Variants in KDSR observed in about 807,000 individuals in gnomAD.
The protein encoded by KDSR is 3-dehydrosphinganine reductase.
KDSR carries 23 observed loss-of-function variants against 41.3 expected under a neutral mutation model. That is an observed-to-expected ratio of 0.56 (90% CI 0.40 to 0.79). The LOEUF (loss-of-function observed/expected upper bound fraction) is 0.79, where lower values mean the gene tolerates loss of function less well. Among genes scored for constraint, KDSR ranks in the 30% least tolerant of loss-of-function variants. The probability of loss-of-function intolerance (pLI) is 0.00; values close to 1 mark genes in which losing one functional copy is unlikely to be tolerated. For missense variants in KDSR, 351 were observed against 416.8 expected (o/e 0.84, Z 1.37); for synonymous variants, 138 against 151.7 (o/e 0.91, Z 0.66).
intron 7 of KDSR, 130 bp downstream of exon 7, chr18:63,344,280 G>T: frequency 1.7e-6 from 1 of 582,920 alleles, no homozygotes. Context: ...AAGGTCATCA[G>T]AAACCAGCTA....
Position 63,367,122 on chromosome 18 carries a change from T to C in KDSR, c.-4A>G. On this transcript the variant is annotated 5_prime_UTR_variant, in exon 1 of 10. Transcript: ENST00000645214. ...AGGCGGCAGCCAGCAGCAGCATCGC[T>C]CCGCGGGGCCAGGGGCCCGGAGCGG... 1 of 1,318,914 alleles carries C rather than the reference T, an allele frequency of 7.6e-7. No homozygotes were observed. Among genetic ancestry groups the C allele is most frequent in the South Asian group, 3.2e-5 (1 of 31,496 alleles). 81.7% of individuals were successfully genotyped at this position (1,318,914 alleles called of 1,614,324 possible). A position where few individuals can be genotyped will look rare whatever the true frequency, so the allele number is the denominator to read the frequency against.
At chr18:63,347,835 A>C (rs1914556366) in intron 6 of KDSR, among the ~76,000 whole-genome samples, 1 of 152,126 alleles carries the variant, frequency 6.6e-6, no homozygotes, top group African/African-American at 2.4e-5. Context: ...TCTTCCTAAA[A>C]GACTGAGTAA....
chr18:63,349,152 C>A (rs1914594768), intron 6 of KDSR, among the ~76,000 whole-genome samples: 1 of 152,142 alleles, frequency 6.6e-6, no homozygotes, highest in Non-Finnish European at 1.5e-5. Flanking sequence ...GAGGCTAAAG[C>A]CAGAAGATTG....
chr18:63,354,345 G>T (rs1239010939), intron 5 of KDSR, among the ~76,000 whole-genome samples: 2 of 152,076 alleles, frequency 1.3e-5, no homozygotes, highest in South Asian at 2.1e-4. Context: ...TTGTTGATGC[G>T]ATGGCAACTA....
At chr18:63,342,638 T>C (rs1914375404) in intron 7 of KDSR, among the ~76,000 whole-genome samples, 1 of 152,210 alleles carries the variant, frequency 6.6e-6, no homozygotes, top group South Asian at 2.1e-4. Context: ...ATATGAGCAC[T>C]AAACCTGATT....
At chr18:63,355,766 A>G (rs1914777738) in intron 3 of KDSR, among the ~76,000 whole-genome samples, 1 of 152,216 alleles carries the variant, frequency 6.6e-6, no homozygotes, top group Non-Finnish European at 1.5e-5. Flanking sequence ...GAATCTTTTT[A>G]AAAATATATA....
At chr18:63,345,290 C>G (rs1914467809) in intron 6 of KDSR, 1 of 152,418 alleles carries the variant, frequency 6.6e-6, no homozygotes, top group South Asian at 2.1e-4. Context: ...GTGTGCCTCA[C>G]CACCATGCCT....
intron 5 of KDSR, among the ~76,000 whole-genome samples, chr18:63,352,973 C>T (rs1206372093): frequency 2.1e-5 from 3 of 146,034 alleles, no homozygotes; most frequent in Admixed American, 7.1e-5. Context: ...TCGAGACCAG[C>T]GTGACCAACA....
intron 9 of KDSR, among the ~76,000 whole-genome samples, chr18:63,333,920 G>C (rs185123489): frequency 2.1e-4 from 32 of 152,332 alleles, no homozygotes; most frequent in Non-Finnish European, 3.4e-4. Flanking sequence ...GATCTCTGAC[G>C]TGAGGGACAG....
chr18:63,337,174 G>A (rs1914199742), intron 8 of KDSR, among the ~76,000 whole-genome samples: 1 of 147,566 alleles, frequency 6.8e-6, no homozygotes, highest in Non-Finnish European at 1.5e-5. Context: ...GGAGCACAAT[G>A]GCTCAATCTC....
At chr18:63,332,716 A>G (rs1914043301) in intron 9 of KDSR, among the ~76,000 whole-genome samples, 1 of 151,914 alleles carries the variant, frequency 6.6e-6, no homozygotes, top group Non-Finnish European at 1.5e-5. Context: ...CCTGTAGTCC[A>G]AGCTGCTGGG....
intron 9 of KDSR, among the ~76,000 whole-genome samples, chr18:63,333,031 C>T (rs915388513): frequency 7.2e-5 from 11 of 151,764 alleles, no homozygotes; most frequent in Admixed American, 2.0e-4. Flanking sequence ...AAAAAAGAGC[C>T]TGGAAAGGTA....
chr18:63,340,887 C>G (rs143528721), intron 7 of KDSR, among the ~76,000 whole-genome samples: 1 of 152,192 alleles, frequency 6.6e-6, no homozygotes, highest in Non-Finnish European at 1.5e-5. Context: ...GTGAGCTCCC[C>G]AGCCCTCCTG....
chr18:63,334,780 C>A (rs1231363450), intron 9 of KDSR, among the ~76,000 whole-genome samples: 1 of 152,156 alleles, frequency 6.6e-6, no homozygotes, highest in African/African-American at 2.4e-5. Flanking sequence ...GTATCTTGGA[C>A]AAAATAATAC....
chr18:63,340,676 T>C (rs2144354589), intron 7 of KDSR, among the ~76,000 whole-genome samples: 1 of 152,376 alleles, frequency 6.6e-6, no homozygotes, highest in South Asian at 2.1e-4. Context: ...AAGATATGTC[T>C]GTTTTAAGTG....
At chr18:63,346,296 A>G (rs886136846) in intron 6 of KDSR, 2 of 152,074 alleles carry the variant, frequency 1.3e-5, no homozygotes, top group African/African-American at 2.4e-5. Context: ...TGAGCCAGAA[A>G]CTCGCTTCCA....
intron 9 of KDSR, among the ~76,000 whole-genome samples, chr18:63,334,998 A>T (rs1914114294): frequency 6.6e-6 from 1 of 152,218 alleles, no homozygotes. Flanking sequence ...ACACCTCAAC[A>T]GCAGATACGG....
At chr18:63,350,337 C>A (rs1025505806) in intron 6 of KDSR, among the ~76,000 whole-genome samples, 21 of 152,184 alleles carry the variant, frequency 1.4e-4, no homozygotes, top group Non-Finnish European at 2.5e-4. Context: ...AAAAAGCATT[C>A]ATTTTCCCAA....
chr18:63,360,450 A>T (rs889689229), intron 2 of KDSR, among the ~76,000 whole-genome samples: 6 of 152,364 alleles, frequency 3.9e-5, no homozygotes, highest in Admixed American at 3.3e-4. Context: ...GAGGAACCAA[A>T]GGAGAGGCGA....
Sources: gnomAD v4.1 joint callset for allele counts (sites outside exome capture counted in the v4.1 genomes callset) on GRCh38, gnomAD v4.1.1 for gene constraint, MANE v1.5 for transcripts, NCBI Gene and HGNC (gene_info 2026-07-23, HGNC 2026-07-21) for gene names.